MOV10L1: variants seen among roughly 807,000 people sequenced by gnomAD.
MOV10L1 encodes RNA helicase Mov10l1.
MOV10L1 carries 110 observed loss-of-function variants against 143.8 expected under a neutral mutation model. The observed-to-expected ratio is 0.76, with a 90% CI of 0.66 to 0.90. The LOEUF (loss-of-function observed/expected upper bound fraction) is 0.90, where lower values mean the gene tolerates loss of function less well. Among genes scored for constraint, MOV10L1 ranks in the 40% least tolerant of loss-of-function variants. The pLI, the probability that MOV10L1 is intolerant of heterozygous loss-of-function variation, is 0.00. For missense variants in MOV10L1, 1,406 were observed against 1,526.8 expected, an observed-to-expected ratio of 0.92 and a Z score of 1.32; for synonymous variants, 593 against 581.1, an observed-to-expected ratio of 1.02 and a Z score of -0.29.
At chr22:50,107,438 C>T (rs776029206) in intron 3 of MOV10L1, among the ~76,000 whole-genome samples, 1 of 152,098 alleles carries the variant, frequency 6.6e-6, no homozygotes, top group Admixed American at 6.5e-5. Context: ...TGTGCTGTTA[C>T]GTGTTCATCA....
chr22:50,137,132 A>G (rs995933725), intron 15 of MOV10L1, among the ~76,000 whole-genome samples: 3 of 152,232 alleles, frequency 2.0e-5, no homozygotes, highest in South Asian at 2.1e-4. Flanking sequence ...GGACACTGAC[A>G]TCTGGTTACA....
At position 50,152,912 on chromosome 22, in the gene MOV10L1, CAG is replaced by C. The variant is rs1163251165; in HGVS notation, c.2893-132_2893-131del. On this transcript the variant is annotated intron_variant, in intron 21 of 26. Coordinates refer to ENST00000262794, the MANE Select transcript of MOV10L1 (RefSeq NM_018995.3). The surrounding 1 kb of genome is among the most constrained non-coding windows in gnomAD (Gnocchi z 4.4). ...GCTTGGTCTGGGGGCAGGCGACACACAGGGGCGCAGGAGCAGAGTCAGGCTTG... is the reference window on the plus strand; with the variant it reads ...GCTTGGTCTGGGGGCAGGCGACACACGGGCGCAGGAGCAGAGTCAGGCTTG... 21 of 868,862 alleles carry C rather than the reference CAG, an allele frequency of 2.4e-5. No homozygotes were observed. The highest frequency in any genetic ancestry group is 2.0e-4 in the African/African-American group (12 of 59,782). 53.8% of individuals were successfully genotyped at this position (868,862 alleles called of 1,614,324 possible). A position where few individuals can be genotyped will look rare whatever the true frequency, so the allele number is the denominator to read the frequency against.
At chr22:50,155,548 T>C (rs2063404666) in intron 22 of MOV10L1, among the ~76,000 whole-genome samples, 1 of 152,220 alleles carries the variant, frequency 6.6e-6, no homozygotes, top group Non-Finnish European at 1.5e-5. Flanking sequence ...CAATCTTGGC[T>C]CACTGCAACT....
chr22:50,114,250 G>T, intron 6 of MOV10L1, 131 bp from the exon 7 acceptor site: 1 of 1,148,774 alleles, frequency 8.7e-7, no homozygotes. Flanking sequence ...ACCCAAAAAT[G>T]ACCTTTTGAC....
At chr22:50,140,021 A>T (rs138261) in intron 15 of MOV10L1, among the ~76,000 whole-genome samples, 39,349 of 152,114 alleles carry the variant, frequency 0.26, 5,587 homozygotes, top group Non-Finnish European at 0.32. Flanking sequence ...CCACGTGAGG[A>T]CCCATACACA....
Position 50,160,700 on chromosome 22 carries a change from G to T in MOV10L1, c.3337G>T (p.Glu1113Ter). 6.2e-7 allele frequency: 1 copy of T among 1,614,010 alleles called. No homozygotes were observed. Among genetic ancestry groups the T allele is most frequent in the Non-Finnish European group, 8.5e-7 (1 of 1,179,964 alleles). Reference protein sequence around the residue: ...VIIISTVRSNEDRFEDDRYFL... With the variant: ...VIIISTVRSN The stretch of plus-strand genomic sequence containing the variant: ...TGTGTGCTTTTAGGTACGGTCAAAT[G>T]AAGATAGATTTGAAGATGATCGATA... The change falls in exon 25 of 27, where the codon GAA becomes TAA. Residue 1113 changes from glutamate (E) to a stop codon, truncating the protein, a stop_gained. Transcript: ENST00000262794. LOFTEE classifies it high-confidence loss of function.
intron 21 of MOV10L1, among the ~76,000 whole-genome samples, chr22:50,151,145 C>G (rs1164200079): frequency 6.6e-6 from 1 of 152,224 alleles, no homozygotes; most frequent in Admixed American, 6.5e-5. Context: ...TTAAGAAAAG[C>G]AAGAAATAAT....
Position 50,115,162 on chromosome 22 carries a change from C to T in MOV10L1, c.1175C>T (p.Ser392Leu). ...AATGGAGAAAAAGACAACATTCTAT[C>T]AAGGAAGCAGATGACAGAGCCTGAG... ...GENGEKDNIL[S>L]RKQMTEPEPG... Residue 392 changes from serine to leucine, a missense_variant, in exon 8 of 27, where the codon TCA becomes TTA. Physicochemically the swap from Ser to Leu is moderately radical, Grantham distance 145. Transcript: ENST00000262794. 6.4e-7 allele frequency: 1 copy of T among 1,571,484 alleles called. No homozygotes were observed. The highest frequency in any genetic ancestry group is 8.6e-7 in the Non-Finnish European group (1 of 1,166,106).
chr22:50,140,067 C>T (rs1009492147), intron 15 of MOV10L1, among the ~76,000 whole-genome samples: 19 of 152,180 alleles, frequency 1.2e-4, no homozygotes, highest in Admixed American at 7.9e-4. Flanking sequence ...TCACCAAAAA[C>T]GAAACAACCC....
At chr22:50,134,732 G>C (rs1016772172) in intron 15 of MOV10L1, 102 bp downstream of exon 15, 3 of 989,278 alleles carry the variant, frequency 3.0e-6, no homozygotes, top group African/African-American at 3.2e-5. Flanking sequence ...CTCTACACAG[G>C]GGATGGCTCA....
rs533956865 is a variant in MOV10L1, at chr22:50,127,887, C to T, written c.1819-529C>T. ...TCCCAGGTTCAAGAGATTCTCCTGC[C>T]TCAGCCTCCCAAGTAGCTGGGATTA... On this transcript the variant is annotated intron_variant, in intron 12 of 26. Transcript: ENST00000262794. 9.7e-4 allele frequency among the ~76,000 whole-genome samples: 148 copies of T among 152,196 alleles called. 1 individual carries two copies. The South Asian group carries it at 0.019, about 19-fold the overall frequency.
chr22:50,146,965 G>A (rs966335140), intron 19 of MOV10L1: 59 of 1,190,374 alleles, frequency 5.0e-5, no homozygotes, highest in Non-Finnish European at 6.6e-5. Flanking sequence ...TGCGGTGCCC[G>A]AGAGCCGTGT....
chr22:50,128,361 A>C (rs1602251433), intron 12 of MOV10L1, 55 bp from the exon 13 acceptor site: 1 of 1,002,656 alleles, frequency 1.0e-6, no homozygotes, highest in Non-Finnish European at 1.5e-6. Flanking sequence ...GTGTCGCTAG[A>C]TAAAGATATC....
In MOV10L1 at chr22:50,116,838, C is replaced by T. The variant is rs534411216; in HGVS notation, c.1260-319C>T. On this transcript the variant is annotated intron_variant, in intron 8 of 26. Coordinates refer to ENST00000262794, the MANE Select transcript of MOV10L1 (RefSeq NM_018995.3). ...GTCCGGCTAATTTGTGTATTTTTTG[C>T]AGAGACAGGTTCATCCTATATTGCC... Among the ~76,000 whole-genome samples, 13 of 151,726 alleles carry T rather than the reference C, an allele frequency of 8.6e-5. No individual in the cohort carries two copies. The South Asian group carries it at 2.7e-3, about 32-fold the overall frequency.
intron 5 of MOV10L1, among the ~76,000 whole-genome samples, chr22:50,111,229 G>C (rs1488203701): frequency 6.6e-6 from 1 of 152,190 alleles, no homozygotes; most frequent in Non-Finnish European, 1.5e-5. Context: ...ATTTAAAAGA[G>C]AAAAGTGGGC....
intron 17 of MOV10L1, among the ~76,000 whole-genome samples, chr22:50,143,861 C>A (rs1383490447): frequency 1.3e-5 from 2 of 152,234 alleles, no homozygotes; most frequent in African/African-American, 4.8e-5. Flanking sequence ...TCTGTTTCTG[C>A]CCTGAAAGGT....
chr22:50,159,774 A>G lies in MOV10L1; in HGVS notation c.3313A>G (p.Ile1105Val), dbSNP rs1331441300. 10 of 1,609,628 alleles carry G rather than the reference A, an allele frequency of 6.2e-6. No individual in the cohort carries two copies. In the African/African-American group the frequency reaches 1.1e-4, roughly 17 times the overall value. Reference sequence around the variant, plus strand: ...TCAAGGACAAGAGTATCTGGTCATCATCATTTCGACCGTAGGTATCCCTGT... The same window carrying G: ...TCAAGGACAAGAGTATCTGGTCATCGTCATTTCGACCGTAGGTATCCCTGT... Reference protein sequence around the residue: ...EFQGQEYLVIIISTVRSNEDR... With the variant: ...EFQGQEYLVIVISTVRSNEDR... The change falls in exon 24 of 27, where the codon ATC (isoleucine) becomes GTC (valine). Residue 1105 changes from isoleucine to valine, a missense_variant. By Grantham distance (29) the Ile-to-Val change is conservative. This residue lies in a region of MOV10L1 where 1,233 missense variants were observed against 1,351.4 expected (regional missense o/e 0.91). Transcript: ENST00000262794. The surrounding 1 kb of genome is among the most constrained non-coding windows in gnomAD (Gnocchi z 4.1).
chr22:50,156,256 C>CA, intron 22 of MOV10L1, among the ~76,000 whole-genome samples: 1 of 152,088 alleles, frequency 6.6e-6, no homozygotes, highest in South Asian at 2.1e-4. Flanking sequence ...GCTGGGACTA[C>CA]AGGCATGCCC....
intron 9 of MOV10L1, among the ~76,000 whole-genome samples, chr22:50,118,428 G>A (rs1271324836): frequency 6.6e-6 from 1 of 152,064 alleles, no homozygotes. Context: ...ATGATCCCTG[G>A]GCATATTATT....
Sources: gnomAD v4.1 joint callset for allele counts (sites outside exome capture counted in the v4.1 genomes callset) on GRCh38, gnomAD v4.1.1 for gene constraint, gnomAD v4.1.1 regional missense constraint, Gnocchi (gnomAD v3.1) non-coding constraint, MANE v1.5 for transcripts, NCBI Gene and HGNC (gene_info 2026-07-23, HGNC 2026-07-21) for gene names.